FGF12: variants seen among roughly 807,000 people sequenced by gnomAD.
The protein encoded by FGF12 is fibroblast growth factor 12B.
Under a neutral mutation model 23.6 loss-of-function variants are expected in FGF12, and 14 were observed. The observed-to-expected ratio is 0.59, with a 90% CI of 0.39 to 0.93. FGF12 has a LOEUF of 0.93. FGF12 is among the 40% of genes least tolerant of loss of function. The pLI is 0.00. For missense variants in FGF12, 175 were observed against 217.8 expected, an observed-to-expected ratio of 0.80 and a Z score of 1.24; for synonymous variants, 62 against 77.3, an observed-to-expected ratio of 0.80 and a Z score of 1.04.
At chr3:192,647,906 ATATT>A (rs1256351898) in intron 2 of FGF12, among the ~76,000 whole-genome samples, 1 of 152,024 alleles carries the variant, frequency 6.6e-6, no homozygotes, top group African/African-American at 2.4e-5. Context: ...CAGATTAAAA[ATATT>A]TATGAATAAA....
At chr3:192,212,482 T>C (rs1000820822) in intron 4 of FGF12, among the ~76,000 whole-genome samples, 1 of 152,074 alleles carries the variant, frequency 6.6e-6, no homozygotes, top group Non-Finnish European at 1.5e-5. Flanking sequence ...ATTTAGAAGA[T>C]GGTAGGTGAA....
rs10543146 is a variant in FGF12, at chr3:192,161,505, T to TACACACACACACACACAC, written c.427+8935_427+8952dup. Among the ~76,000 whole-genome samples, 5 of 149,696 alleles carry TACACACACACACACACAC rather than the reference T, an allele frequency of 3.3e-5. No individual in the cohort carries two copies. The South Asian group carries it at 1.1e-3, about 32-fold the overall frequency. ...ACTTTAAGGAATGACAACGCCTATT[T>TACACACACACACACACAC]ACACACACACACACACACACACACA... On this transcript the variant is annotated intron_variant, in intron 5 of 5. Coordinates refer to ENST00000445105, the MANE Select transcript of FGF12 (RefSeq NM_004113.6).
intron 2 of FGF12, among the ~76,000 whole-genome samples, chr3:192,605,591 T>G (rs1255808592): frequency 2.0e-5 from 3 of 152,122 alleles, no homozygotes; most frequent in Non-Finnish European, 4.4e-5. Flanking sequence ...TCACAACTTA[T>G]GCATCCACCA....
Position 192,640,007 on chromosome 3 carries a change from T to C in FGF12, c.13+87174A>G, listed in dbSNP as rs556244861. On this transcript the variant is annotated intron_variant, in intron 2 of 5. Coordinates refer to ENST00000445105, the MANE Select transcript of FGF12 (RefSeq NM_004113.6). ...TGCCTAATCTCACTTATATGTAGAA[T>C]TAAAAAAAAAAAGTGAAATATACAG... Among the ~76,000 whole-genome samples, 3 of 148,898 alleles carry C rather than the reference T, an allele frequency of 2.0e-5. No homozygotes were observed. In the South Asian group the frequency reaches 6.4e-4, roughly 32 times the overall value.
chr3:192,504,914 A>C (rs890785159), intron 2 of FGF12, among the ~76,000 whole-genome samples: 4 of 152,128 alleles, frequency 2.6e-5, no homozygotes, highest in African/African-American at 9.7e-5. Context: ...TCTGTTTGAC[A>C]AGTTTCTGTA....
At chr3:192,625,525 G>T (rs1332786533) in intron 2 of FGF12, among the ~76,000 whole-genome samples, 1 of 151,954 alleles carries the variant, frequency 6.6e-6, no homozygotes, top group Non-Finnish European at 1.5e-5. Flanking sequence ...AATAAGTTCA[G>T]GCTGTTACTG....
chr3:192,420,557 T>C (rs952059368), intron 2 of FGF12, among the ~76,000 whole-genome samples: 1 of 152,170 alleles, frequency 6.6e-6, no homozygotes, highest in Non-Finnish European at 1.5e-5. Context: ...TGTTAGTTCA[T>C]GTGAGAGTTA....
At chr3:192,461,472 G>T (rs1248067468) in intron 2 of FGF12, among the ~76,000 whole-genome samples, 2 of 152,082 alleles carry the variant, frequency 1.3e-5, no homozygotes, top group African/African-American at 4.8e-5. Flanking sequence ...ATAGTGACTG[G>T]AATTCCATCA....
At chr3:192,601,575 T>A (rs1286489452) in intron 2 of FGF12, among the ~76,000 whole-genome samples, 1 of 151,998 alleles carries the variant, frequency 6.6e-6, no homozygotes, top group African/African-American at 2.4e-5. Flanking sequence ...ATAGGTCAGC[T>A]TAGAAAAGAA....
At chr3:192,224,311 C>T (rs887059762) in intron 4 of FGF12, among the ~76,000 whole-genome samples, 1 of 152,020 alleles carries the variant, frequency 6.6e-6, no homozygotes, top group Non-Finnish European at 1.5e-5. Flanking sequence ...TCCAGTCCTT[C>T]GAAAACAAAC....
intron 4 of FGF12, among the ~76,000 whole-genome samples, chr3:192,194,156 C>T (rs1383829993): frequency 6.6e-6 from 1 of 152,116 alleles, no homozygotes; most frequent in Non-Finnish European, 1.5e-5. Context: ...TTATATAAAG[C>T]AGAAATCCAT....
intron 2 of FGF12, among the ~76,000 whole-genome samples, chr3:192,719,821 A>C (rs1023149660): frequency 3.9e-5 from 6 of 151,924 alleles, no homozygotes; most frequent in Non-Finnish European, 7.4e-5. Context: ...CAAGAAAAAC[A>C]ACCCAACACA....
chr3:192,415,255 G>A (rs1721311232), intron 2 of FGF12, among the ~76,000 whole-genome samples: 2 of 152,020 alleles, frequency 1.3e-5, no homozygotes, highest in South Asian at 2.1e-4. Context: ...AAGTCCCACT[G>A]TCACTAACCC....
intron 4 of FGF12, among the ~76,000 whole-genome samples, chr3:192,319,001 T>C (rs1716388512): frequency 6.6e-6 from 1 of 151,960 alleles, no homozygotes; most frequent in South Asian, 2.1e-4. Flanking sequence ...AAAACTTGTA[T>C]CCTAGAATAG....
intron 2 of FGF12, among the ~76,000 whole-genome samples, chr3:192,613,271 C>T (rs1714618195): frequency 6.6e-6 from 1 of 151,694 alleles, no homozygotes; most frequent in Admixed American, 6.6e-5. Flanking sequence ...TTGATTGCCT[C>T]CAAACCCTTT....
chr3:192,568,387 C>T (rs1712441659), intron 2 of FGF12, among the ~76,000 whole-genome samples: 1 of 152,132 alleles, frequency 6.6e-6, no homozygotes, highest in Non-Finnish European at 1.5e-5. Context: ...TCCTACCCTT[C>T]CGTGTGTTTA....
chr3:192,374,907 G>GT (rs1331947984), intron 2 of FGF12, among the ~76,000 whole-genome samples: 1 of 152,042 alleles, frequency 6.6e-6, no homozygotes, highest in Non-Finnish European at 1.5e-5. Flanking sequence ...GCTTCAAATC[G>GT]TTTTATAGAA....
intron 4 of FGF12, among the ~76,000 whole-genome samples, chr3:192,195,446 T>C (rs67062849): frequency 0.1 from 15,541 of 152,282 alleles, 910 homozygotes; most frequent in African/African-American, 0.15. Context: ...AAGTTTTTAC[T>C]GTACCTTTTC....
intron 2 of FGF12, among the ~76,000 whole-genome samples, chr3:192,434,528 T>C (rs562406216): frequency 2.0e-5 from 3 of 152,236 alleles, no homozygotes; most frequent in East Asian, 3.9e-4. Context: ...TATGTGTACA[T>C]GTGCAGGTAT....
Sources: allele counts gnomAD v4.1 joint callset (sites outside exome capture counted in the v4.1 genomes callset), GRCh38; gene constraint gnomAD v4.1.1; transcripts MANE v1.5; gene names NCBI Gene and HGNC (gene_info 2026-07-23, HGNC 2026-07-21).